Variants in MYO1H observed in about 807,000 individuals in gnomAD.
MYO1H encodes the protein myosin IH, also known as unconventional myosin-Ih.
In MYO1H, 118 loss-of-function variants were observed where a neutral mutation model predicts 149.3. The ratio of observed to expected loss-of-function variants is 0.79; its 90% confidence interval spans 0.68 to 0.92. The LOEUF (loss-of-function observed/expected upper bound fraction) is 0.92, where lower values mean the gene tolerates loss of function less well. Among genes scored for constraint, MYO1H ranks in the 40% least tolerant of loss-of-function variants. MYO1H has a pLI of 0.00. For synonymous variants in MYO1H, 447 were observed against 465.2 expected (o/e 0.96, Z 0.50); for missense variants, 1,212 against 1,280.7 (o/e 0.95, Z 0.82).
chr12:109,332,862 C>T, the MYO1H span, among the ~76,000 whole-genome samples: 2 of 152,162 alleles, frequency 1.3e-5, no homozygotes, highest in African/African-American at 4.8e-5. Flanking sequence ...GGATTACAGG[C>T]GTGAGCCACC....
chr12:109,429,633 G>A (rs1273901984), intron 19 of MYO1H, among the ~76,000 whole-genome samples: 1 of 152,116 alleles, frequency 6.6e-6, no homozygotes, highest in Non-Finnish European at 1.5e-5. Context: ...ATCCATGGGG[G>A]TCCTGGAACC....
chr12:109,368,620 A>C, intron 1 of MYO1H, among the ~76,000 whole-genome samples: 1 of 149,014 alleles, frequency 6.7e-6, no homozygotes, highest in Non-Finnish European at 1.5e-5. Context: ...CAGCCTGGGC[A>C]ACAAAGCAAG....
At chr12:109,359,422 G>T (rs1218358560) in intron 1 of MYO1H, 3 of 152,144 alleles carry the variant, frequency 2.0e-5, no homozygotes, top group Non-Finnish European at 4.4e-5. Context: ...AATCTCTATT[G>T]TTCCCTGTCA....
chr12:109,427,336 AAT>A, intron 18 of MYO1H, 131 bp from the exon 19 acceptor site: 4 of 533,346 alleles, frequency 7.5e-6, no homozygotes, highest in Admixed American at 3.0e-5. Context: ...AAAAAAAAAA[AAT>A]TAAGACCTCA....
At chr12:109,378,417 C>CTTA (rs916900665) in intron 1 of MYO1H, among the ~76,000 whole-genome samples, 1 of 151,958 alleles carries the variant, frequency 6.6e-6, no homozygotes, top group Admixed American at 6.6e-5. Flanking sequence ...ACCTCCCAGA[C>CTTA]TTAAGCAATC....
At chr12:109,339,979 G>C in the MYO1H span, among the ~76,000 whole-genome samples, 1 of 152,090 alleles carries the variant, frequency 6.6e-6, no homozygotes, top group Non-Finnish European at 1.5e-5. Context: ...ATATCCTACT[G>C]TTTTCCATAT....
intron 3 of MYO1H, among the ~76,000 whole-genome samples, chr12:109,395,723 A>G (rs1869862088): frequency 7.0e-6 from 1 of 142,632 alleles, no homozygotes; most frequent in Admixed American, 7.3e-5. Context: ...CGACAGAGCG[A>G]GACTCCATCT....
Position 109,409,060 on chromosome 12 carries a change from G to A in MYO1H, c.1156-497G>A, listed in dbSNP as rs533653620. On this transcript the variant is annotated intron_variant, in intron 10 of 31. Coordinates refer to ENST00000310903, the Ensembl canonical transcript of MYO1H. ...CCTGCCTCAGCCTCCCAAAGTGCTG[G>A]GATTGCAGGCGTGAGCCACCACGCC... Among the ~76,000 whole-genome samples the A allele has an allele frequency of 2.6e-5, 4 of 152,152 alleles. No individual in the cohort carries two copies. In the South Asian group the frequency reaches 8.3e-4, roughly 32 times the overall value.
chr12:109,446,057 G>GT, intron 31 of MYO1H: 1 of 985,184 alleles, frequency 1.0e-6, no homozygotes, highest in Non-Finnish European at 1.2e-6. Flanking sequence ...AGAAAAATAT[G>GT]TAAGAAAGAA....
chr12:109,366,773 T>C (rs1173451522), intron 1 of MYO1H, among the ~76,000 whole-genome samples: 1 of 152,218 alleles, frequency 6.6e-6, no homozygotes, highest in Non-Finnish European at 1.5e-5. Flanking sequence ...AGAAGCATGA[T>C]GGATGTGGGT....
In MYO1H at chr12:109,400,976, A is replaced by G. The variant is rs545529495; in HGVS notation, c.571-117A>G. The G allele has an allele frequency of 8.2e-4, 733 of 890,160 alleles. 2 individuals are homozygous for G. Among genetic ancestry groups the G allele is most frequent in the Non-Finnish European group, 1.1e-3 (642 of 602,904 alleles). The allele number at this position is 890,160 out of a possible 1,614,324, so 55.1% of individuals were successfully genotyped here. A position where few individuals can be genotyped will look rare whatever the true frequency, so the allele number is the denominator to read the frequency against. On this transcript the variant is annotated intron_variant, in intron 5 of 31. Transcript: ENST00000310903. ...GAAGATTGATATGTCCAAAAAAAAG[A>G]AAGAAGATTGATCAGATCAGACTTC...
chr12:109,375,629 G>T (rs1180754701), intron 1 of MYO1H, among the ~76,000 whole-genome samples: 1 of 152,096 alleles, frequency 6.6e-6, no homozygotes, highest in Non-Finnish European at 1.5e-5. Context: ...TGATTTTAAT[G>T]TAATCAAGAT....
intron 15 of MYO1H, among the ~76,000 whole-genome samples, chr12:109,416,474 C>T (rs1870917410): frequency 6.7e-6 from 1 of 150,374 alleles, no homozygotes; most frequent in South Asian, 2.1e-4. Flanking sequence ...TGTCAGGGTT[C>T]ATCCATGCTT....
intron 22 of MYO1H, among the ~76,000 whole-genome samples, chr12:109,437,034 G>A (rs766313883): frequency 6.6e-6 from 1 of 152,134 alleles, no homozygotes; most frequent in Non-Finnish European, 1.5e-5. Context: ...GAGCCCAGGA[G>A]GTGGAGGTTG....
chr12:109,441,600 A>T lies in MYO1H; in HGVS notation c.2539-15A>T. 1 of 1,581,966 alleles carries T rather than the reference A, an allele frequency of 6.3e-7. No homozygotes were observed. The highest frequency in any genetic ancestry group is 8.7e-7 in the Non-Finnish European group (1 of 1,156,012). The stretch of plus-strand genomic sequence containing the variant: ...TGTGGCTACCATTTTTATACTTTCA[A>T]TTGTGTATTACCAGATGCAGCAAAA... On this transcript the variant is annotated splice_polypyrimidine_tract_variant and intron_variant, in intron 25 of 31. Transcript: ENST00000310903.
At chr12:109,415,686 C>A in intron 15 of MYO1H, 66 bp downstream of exon 15, 1 of 1,207,930 alleles carries the variant, frequency 8.3e-7, no homozygotes, top group East Asian at 2.7e-5. Flanking sequence ...ACAATAAGCT[C>A]CGAGTCCATG....
the MYO1H span, among the ~76,000 whole-genome samples, chr12:109,339,560 G>A: frequency 6.6e-6 from 1 of 152,098 alleles, no homozygotes; most frequent in Non-Finnish European, 1.5e-5. Context: ...TAATGTTGAA[G>A]GGCAAGAAAC....
At chr12:109,374,110 G>A (rs1030950626) in intron 1 of MYO1H, among the ~76,000 whole-genome samples, 2 of 152,218 alleles carry the variant, frequency 1.3e-5, no homozygotes, top group South Asian at 4.1e-4. Context: ...ATTGAACCAC[G>A]TTGATCAGCA....
intron 5 of MYO1H, among the ~76,000 whole-genome samples, chr12:109,399,707 T>C (rs752473768): frequency 5.4e-5 from 8 of 149,378 alleles, no homozygotes; most frequent in African/African-American, 7.4e-5. Context: ...AGTCTAGGAG[T>C]TCAAGACCAG....
Sources: gnomAD v4.1 joint callset for allele counts (sites outside exome capture counted in the v4.1 genomes callset) on GRCh38, gnomAD v4.1.1 for gene constraint, MANE v1.5 for transcripts, NCBI Gene and HGNC (gene_info 2026-07-23, HGNC 2026-07-21) for gene names.